Variants in COLGALT1 observed in about 807,000 individuals in gnomAD.
The protein encoded by COLGALT1 is procollagen galactosyltransferase 1.
Under a neutral mutation model 60.8 loss-of-function variants are expected in COLGALT1, and 43 were observed. The ratio of observed to expected loss-of-function variants is 0.71; its 90% CI spans 0.55 to 0.91. The LOEUF (loss-of-function observed/expected upper bound fraction) is 0.91. Among genes scored for constraint, COLGALT1 ranks in the 40% least tolerant of loss-of-function variants. The pLI is 0.00. For missense variants in COLGALT1, 845 were observed against 880.0 expected, an observed-to-expected ratio of 0.96 and a Z score of 0.50; for synonymous variants, 369 against 374.2, an observed-to-expected ratio of 0.99 and a Z score of 0.16.
At chr19:17,576,260 C>G (rs1167211717) in intron 6 of COLGALT1, among the ~76,000 whole-genome samples, 5 of 152,136 alleles carry the variant, frequency 3.3e-5, no homozygotes, top group African/African-American at 1.2e-4. Flanking sequence ...GGTGCAAGTC[C>G]AGGTGCTGCT....
chr19:17,582,782 ACAGGTCCTGGTGGCCC>A lies in COLGALT1; in HGVS notation c.*1341_*1356del, dbSNP rs2076392652. 6.6e-6 allele frequency: 1 copy of A among 152,264 alleles called. No homozygotes were observed. The highest frequency in any genetic ancestry group is 6.5e-5 in the Admixed American group (1 of 15,294). The allele number at this position is 152,264 out of a possible 1,614,324, so 9.4% of individuals were successfully genotyped here. A position where few individuals can be genotyped will look rare whatever the true frequency, so the allele number is the denominator to read the frequency against. ...AGCTCTTCCGCCACCAGGGGCAAGCACAGGTCCTGGTGGCCCCACGCCACATGTTAGCCCCCCTGGA... is the reference window on the plus strand; with the variant it reads ...AGCTCTTCCGCCACCAGGGGCAAGCACACGCCACATGTTAGCCCCCCTGGA... On this transcript the variant is annotated 3_prime_UTR_variant, in exon 12 of 12. Transcript: ENST00000252599.
At chr19:17,561,134 G>A (rs1471159756) in intron 3 of COLGALT1, among the ~76,000 whole-genome samples, 1 of 151,406 alleles carries the variant, frequency 6.6e-6, no homozygotes, top group Non-Finnish European at 1.5e-5. Context: ...GAACCTAGGA[G>A]GCAGAGGTTG....
chr19:17,579,331 T>C, intron 9 of COLGALT1, 151 bp from the exon 10 acceptor site: 1 of 1,042,128 alleles, frequency 9.6e-7, no homozygotes, highest in Non-Finnish European at 1.4e-6. Context: ...GGCAGAGGTT[T>C]GGATGTCCAG....
Position 17,581,261 on chromosome 19 carries a change from A to G in COLGALT1, c.1686A>G (p.Thr562=). The change falls in exon 12 of 12, where the codon ACA becomes ACG. Residue 562 remains threonine (T), a synonymous_variant. Coordinates refer to ENST00000252599, the MANE Select transcript of COLGALT1 (RefSeq NM_024656.4). ...TGCTCATCTACCCCACACACTACAC[A>G]GGAGACGATGGCTATGTGAGTGACA... ...EPLLIYPTHY[T]GDDGYVSDTE... 6.2e-7 allele frequency: 1 copy of G among 1,611,874 alleles called. No individual in the cohort carries two copies. Among genetic ancestry groups the G allele is most frequent in the Non-Finnish European group, 8.5e-7 (1 of 1,179,932 alleles).
intron 6 of COLGALT1, 192 bp from the exon 7 acceptor site, chr19:17,577,003 T>TGAGGGGCAGGA: frequency 1.7e-6 from 1 of 587,596 alleles, no homozygotes; most frequent in Non-Finnish European, 3.0e-6. Context: ...TGGCCAGGGC[T>TGAGGGGCAGGA]TTGGGCTGCT....
intron 6 of COLGALT1, chr19:17,576,986 T>TGG: frequency 1.7e-6 from 1 of 585,368 alleles, no homozygotes; most frequent in Non-Finnish European, 3.0e-6. Flanking sequence ...AGCTGGGGCC[T>TGG]GGGGTGTGGC....
At chr19:17,560,929 G>A (rs958638083) in intron 3 of COLGALT1, among the ~76,000 whole-genome samples, 1 of 151,822 alleles carries the variant, frequency 6.6e-6, no homozygotes, top group Non-Finnish European at 1.5e-5. Context: ...TGGAAGCCAG[G>A]CATGGTGGCT....
intron 5 of COLGALT1, 92 bp from the exon 6 acceptor site, chr19:17,572,391 G>A (rs1599788803): frequency 6.3e-7 from 1 of 1,590,190 alleles, no homozygotes; most frequent in Non-Finnish European, 8.6e-7. Context: ...CGATCCTCCT[G>A]CGTTGGCCTC....
In COLGALT1 at chr19:17,568,725, A is replaced by G; in HGVS notation, c.829+12A>G. 1 of 1,613,802 alleles carries G rather than the reference A, an allele frequency of 6.2e-7. No individual in the cohort carries two copies. Among genetic ancestry groups the G allele is most frequent in the East Asian group, 2.2e-5 (1 of 44,868 alleles). The stretch of plus-strand genomic sequence containing the variant: ...CTGCAAGCAGGCAGGTACGTACATG[A>G]GGGGTCTGCCATCGCAGGGGCATCT... On this transcript the variant is annotated intron_variant, in intron 5 of 11. Transcript: ENST00000252599.
At chr19:17,576,562 C>T (rs1343745813) in intron 6 of COLGALT1, among the ~76,000 whole-genome samples, 5 of 123,262 alleles carry the variant, frequency 4.1e-5, no homozygotes, top group African/African-American at 1.3e-4. Context: ...GGCGTGGCCA[C>T]GGCTGAGAGT....
At chr19:17,560,225 T>A in intron 2 of COLGALT1, 123 bp from the exon 3 acceptor site, 106 of 597,412 alleles carry the variant, frequency 1.8e-4, no homozygotes, top group Middle Eastern at 1.0e-3. Context: ...TTCCCATCCC[T>A]CAGATCAGCT....
chr19:17,580,864 TGTGG>T lies in COLGALT1; in HGVS notation c.1561_1564del (p.Val521ThrfsTer47). On this transcript the variant is annotated frameshift_variant, in exon 11 of 12. Transcript: ENST00000252599. LOFTEE classifies it low-confidence loss of function (END_TRUNC). ...CTGAGCCGCTCTCCAAGATGCTGCC[TGTGG>T]ACGAGTTCCTGCCCGTCATGTTCGA... The T allele has an allele frequency of 6.2e-7, 1 of 1,613,950 alleles. No individual in the cohort carries two copies. Among genetic ancestry groups the T allele is most frequent in the Non-Finnish European group, 8.5e-7 (1 of 1,180,002 alleles).
chr19:17,581,322 A>G lies in COLGALT1; in HGVS notation c.1747A>G (p.Lys583Glu), dbSNP rs765270297. Residue 583 changes from lysine (K) to glutamate (E), a missense_variant, in exon 12 of 12, where the codon AAG (lysine) becomes GAG (glutamate). Physicochemically the swap from Lys to Glu is moderately conservative, Grantham distance 56. Transcript: ENST00000252599. ...AGTCGTATGGAACAATGAGCACGTC[A>G]AGACCGACTGGGACCGCGCCAAGTC... ...TSVVWNNEHVKTDWDRAKSQK... is the reference protein window; with the variant it reads ...TSVVWNNEHVETDWDRAKSQK... 6.2e-7 allele frequency: 1 copy of G among 1,613,444 alleles called. No homozygotes were observed. The highest frequency in any genetic ancestry group is 1.1e-5 in the South Asian group (1 of 91,048).
In COLGALT1 at chr19:17,572,715, G is replaced by T. The variant is rs143746852; in HGVS notation, c.949+113G>T. The T allele has an allele frequency of 6.0e-4, 885 of 1,465,982 alleles. 1 individual carries two copies. The highest frequency in any genetic ancestry group is 7.2e-4 in the Non-Finnish European group (785 of 1,086,816). The allele number at this position is 1,465,982 out of a possible 1,614,324, so 90.8% of individuals were successfully genotyped here. The stretch of plus-strand genomic sequence containing the variant: ...GTGCCAGGCAGATGCAAGTCCCTGT[G>T]GGGGGTGCTGGGTGCAACGGCACGT... On this transcript the variant is annotated intron_variant, in intron 6 of 11. Transcript: ENST00000252599.
intron 6 of COLGALT1, 96 bp downstream of exon 6, chr19:17,572,698 C>A: frequency 1.3e-6 from 2 of 1,540,472 alleles, no homozygotes; most frequent in East Asian, 2.3e-5. Context: ...GAGTGCCAGG[C>A]AGATGCAAGT....
chr19:17,561,327 T>G (rs2076247779), intron 3 of COLGALT1, among the ~76,000 whole-genome samples: 1 of 152,126 alleles, frequency 6.6e-6, no homozygotes, highest in Admixed American at 6.6e-5. Flanking sequence ...GTGATCTTCC[T>G]GCCTCGGCCT....
chr19:17,577,300 C>T (rs777635316), intron 7 of COLGALT1, 29 bp downstream of exon 7: 1 of 1,611,356 alleles, frequency 6.2e-7, no homozygotes, highest in Admixed American at 1.7e-5. Flanking sequence ...GGAGGCGGGG[C>T]GGGGGCTGGA....
intron 4 of COLGALT1, 101 bp downstream of exon 4, chr19:17,567,641 C>G: frequency 2.2e-6 from 3 of 1,376,318 alleles, no homozygotes; most frequent in Non-Finnish European, 3.0e-6. Context: ...GTGTGTTTTA[C>G]AAAAATCATC....
At chr19:17,567,941 T>G (rs2076289370) in intron 4 of COLGALT1, among the ~76,000 whole-genome samples, 1 of 152,058 alleles carries the variant, frequency 6.6e-6, no homozygotes, top group Admixed American at 6.6e-5. Flanking sequence ...GGAGTGAGAC[T>G]TGGTCTCAAA....
Sources: gnomAD v4.1 joint callset for allele counts (sites outside exome capture counted in the v4.1 genomes callset) on GRCh38, gnomAD v4.1.1 for gene constraint, MANE v1.5 for transcripts, NCBI Gene and HGNC (gene_info 2026-07-23, HGNC 2026-07-21) for gene names.